Variants in KCNC3 observed in about 807,000 individuals in gnomAD.
The protein encoded by KCNC3 is potassium voltage-gated channel subfamily C member 3, also known as voltage-gated potassium channel KCNC3.
In KCNC3, 22 loss-of-function variants were observed where a neutral mutation model predicts 43.9. That is an observed-to-expected ratio of 0.50 (90% CI 0.36 to 0.72). The LOEUF is 0.72. KCNC3 is among the 30% of genes least tolerant of loss of function. The pLI, the probability that KCNC3 is intolerant of heterozygous loss-of-function variation, is 0.00. For missense variants in KCNC3, 829 were observed against 1,073.8 expected (o/e 0.77, Z 3.19); for synonymous variants, 492 against 488.0 (o/e 1.01, Z -0.11).
At chr19:50,326,921 G>GA (rs2037114124) in intron 1 of KCNC3, among the ~76,000 whole-genome samples, 1 of 135,892 alleles carries the variant, frequency 7.4e-6, no homozygotes. Flanking sequence ...GTTTTGCACG[G>GA]CGGGGGGGGA....
intron 1 of KCNC3, among the ~76,000 whole-genome samples, chr19:50,327,490 G>A (rs2123543477): frequency 6.6e-6 from 1 of 152,180 alleles, no homozygotes; most frequent in South Asian, 2.1e-4. Flanking sequence ...GTTTAGAGGG[G>A]TCCAGAAGGC....
chr19:50,331,467 C>G (rs1000933812), upstream of KCNC3, among the ~76,000 whole-genome samples: 1 of 151,726 alleles, frequency 6.6e-6, no homozygotes, highest in Admixed American at 6.6e-5. Context: ...CCTCCTTGCT[C>G]TCTGACAACC....
In KCNC3 at chr19:50,329,034, T is replaced by G; in HGVS notation, c.49A>C (p.Ser17Arg). 7.6e-7 allele frequency: 1 copy of G among 1,323,576 alleles called. No homozygotes were observed. The highest frequency in any genetic ancestry group is 9.6e-7 in the Non-Finnish European group (1 of 1,037,662). 82.0% of individuals were successfully genotyped at this position (1,323,576 alleles called of 1,614,324 possible). A position where few individuals can be genotyped will look rare whatever the true frequency, so the allele number is the denominator to read the frequency against. ...GGCGGTGGCGCCGGCTGCTGCTTGC[T>G]GGCCCCCTGGCGCCCGCGGAAGGAC... ...VSSFRGRQGA[S>R]KQQPAPPPQP... Residue 17 changes from serine (S) to arginine (R), a missense_variant, in exon 1 of 5, where the codon AGC (serine) becomes CGC (arginine). Physicochemically the swap from Ser to Arg is moderately radical, Grantham distance 110. Around this residue, in one of 7 missense-constraint regions of KCNC3, gnomAD observed 129 missense variants for 83.6 expected, o/e 1.54. Coordinates refer to ENST00000477616, the MANE Select transcript of KCNC3 (RefSeq NM_004977.3).
intron 2 of KCNC3, among the ~76,000 whole-genome samples, chr19:50,322,681 G>C (rs767667213): frequency 3.9e-5 from 6 of 151,998 alleles, no homozygotes; most frequent in Non-Finnish European, 7.4e-5. Flanking sequence ...GTGTCTCTCT[G>C]AGCCCCACGC....
In KCNC3 at chr19:50,320,323, G is replaced by A. The variant is rs756181510; in HGVS notation, c.2197C>T (p.Gln733Ter). 6 of 476,228 alleles carry A rather than the reference G, an allele frequency of 1.3e-5. No individual in the cohort carries two copies. Among genetic ancestry groups the A allele is most frequent in the African/African-American group, 9.0e-5 (4 of 44,618 alleles). The allele number at this position is 476,228 out of a possible 1,614,324, so 29.5% of individuals were successfully genotyped here. Reference sequence around the variant, plus strand: ...GGGGGGCCTGGCTTACGCCAGTCTTGGGGGGGCAGTGGGGGAGCACCAGTG... The same window carrying A: ...GGGGGGCCTGGCTTACGCCAGTCTTAGGGGGGCAGTGGGGGAGCACCAGTG... The part of the protein sequence containing the change: ...KATGAPPLPP[Q>*]DWRKPGPPSF... Residue 733 changes from glutamine to a stop codon, truncating the protein, a stop_gained, in exon 4 of 5, where the codon CAA becomes TAA. Transcript: ENST00000477616. LOFTEE classifies it high-confidence loss of function.
chr19:50,320,627 G>A lies in KCNC3; in HGVS notation c.2136C>T (p.Asp712=). Residue 712 remains aspartate (D), a synonymous_variant, in exon 3 of 5, where the codon GAC becomes GAT. Coordinates refer to ENST00000477616, the MANE Select transcript of KCNC3 (RefSeq NM_004977.3). ...SRDRACFLLT[D]YAPSPDGSIR... Reference sequence around the variant, plus strand: ...TGGAGCCATCAGGGGAAGGGGCATAGTCGGTGAGGAGGAAGCAGGCTCGGT... The same window carrying A: ...TGGAGCCATCAGGGGAAGGGGCATAATCGGTGAGGAGGAAGCAGGCTCGGT... 2 of 1,612,916 alleles carry A rather than the reference G, an allele frequency of 1.2e-6. No homozygotes were observed. The highest frequency in any genetic ancestry group is 1.7e-6 in the Non-Finnish European group (2 of 1,179,858).
intron 4 of KCNC3, among the ~76,000 whole-genome samples, chr19:50,317,799 T>C (rs1380024140): frequency 1.3e-5 from 2 of 152,184 alleles, no homozygotes; most frequent in East Asian, 1.9e-4. Context: ...TTTGCAGAAC[T>C]CCTTTTCTTC....
At position 50,322,979 on chromosome 19, in the gene KCNC3, C is replaced by T. The variant is rs2037052074; in HGVS notation, c.1974G>A (p.Arg658=). The part of the protein sequence containing the change: ...LAQEEVIEIN[R]ADPRPNGDPA... ...ATCCCTGACGCCCAGGCTCACCTGC[C>T]CGGTTGATCTCAATCACCTCCTCCT... The change falls in exon 2 of 5, where the codon CGG becomes CGA. Residue 658 remains arginine (R), a synonymous_variant. Coordinates refer to ENST00000477616, the MANE Select transcript of KCNC3 (RefSeq NM_004977.3). 2 of 1,550,570 alleles carry T rather than the reference C, an allele frequency of 1.3e-6. No homozygotes were observed. Among genetic ancestry groups the T allele is most frequent in the African/African-American group, 1.4e-5 (1 of 73,198 alleles).
Position 50,314,629 on chromosome 19 carries a change from G to A in KCNC3, c.*1486C>T, listed in dbSNP as rs1333023114. On this transcript the variant is annotated 3_prime_UTR_variant, in exon 5 of 5. Coordinates refer to ENST00000477616, the MANE Select transcript of KCNC3 (RefSeq NM_004977.3). Reference sequence around the variant, plus strand: ...GAGACCTGAGAAGGCTTTTTTTGGGGAGGGAAGAGTTGGGGGGACGGGCTG... The same window carrying A: ...GAGACCTGAGAAGGCTTTTTTTGGGAAGGGAAGAGTTGGGGGGACGGGCTG... The A allele has an allele frequency of 1.2e-5, 4 of 337,078 alleles. No individual in the cohort carries two copies. In the Admixed American group the frequency reaches 1.3e-4, roughly 11 times the overall value. 20.9% of individuals were successfully genotyped at this position (337,078 alleles called of 1,614,324 possible).
chr19:50,331,817 C>T (rs2037192748), upstream of KCNC3, among the ~76,000 whole-genome samples: 2 of 152,020 alleles, frequency 1.3e-5, no homozygotes, highest in South Asian at 2.1e-4. Flanking sequence ...CTTTCTAGGT[C>T]TCTGTCTCCA....
rs1368016909 is a variant in KCNC3, at chr19:50,320,273, G to C, written c.2247C>G (p.Ala749=). ...GPPSFLPDLN[A]NAAAWISP ...AGGGGGATATCCAGGCCGCGGCGTT[G>C]GCGTTGAGGTCGGGCAAGAAGCTTG... Residue 749 remains alanine (A), a synonymous_variant, in exon 4 of 5, where the codon GCC becomes GCG. Transcript: ENST00000477616. 2.4e-5 allele frequency: 26 copies of C among 1,079,676 alleles called. No individual in the cohort carries two copies. Among genetic ancestry groups the C allele is most frequent in the Non-Finnish European group, 3.2e-5 (26 of 812,404 alleles). The allele number at this position is 1,079,676 out of a possible 1,614,324, so 66.9% of individuals were successfully genotyped here. A position where few individuals can be genotyped will look rare whatever the true frequency, so the allele number is the denominator to read the frequency against.
At position 50,329,058 on chromosome 19, in the gene KCNC3, A is replaced by T. The variant is rs2037147663; in HGVS notation, c.25T>A (p.Ser9Thr). Residue 9 changes from serine (S) to threonine (T), a missense_variant, in exon 1 of 5, where the codon TCC (serine) becomes ACC (threonine). Ser to Thr is a moderately conservative substitution (Grantham distance 58). This residue lies in a region of KCNC3 where 129 missense variants were observed against 83.6 expected (regional missense o/e 1.54). Transcript: ENST00000477616. ...CTGGCCCCCTGGCGCCCGCGGAAGG[A>T]CGAGACGCAGACTGAGCTCAGCATT... MLSSVCVS[S>T]FRGRQGASKQ... The T allele has an allele frequency of 7.8e-7, 1 of 1,282,962 alleles. No homozygotes were observed. Among genetic ancestry groups the T allele is most frequent in the South Asian group, 1.8e-5 (1 of 54,704 alleles). The allele number at this position is 1,282,962 out of a possible 1,614,324, so 79.5% of individuals were successfully genotyped here.
Position 50,312,904 on chromosome 19 carries a change from C to T in KCNC3, c.*3211G>A, listed in dbSNP as rs1460788285. On this transcript the variant is annotated 3_prime_UTR_variant, in exon 5 of 5. Transcript: ENST00000477616. ...CCAAAACCCGCCCCACCCCTCACCC[C>T]TGCTTCACCAGGGTTTAGGGTCCGA... 6.6e-6 allele frequency: 1 copy of T among 152,170 alleles called. No homozygotes were observed. Among genetic ancestry groups the T allele is most frequent in the African/African-American group, 2.4e-5 (1 of 41,434 alleles). 9.4% of individuals were successfully genotyped at this position (152,170 alleles called of 1,614,324 possible).
At position 50,323,814 on chromosome 19, in the gene KCNC3, C is replaced by T; in HGVS notation, c.1139G>A (p.Ser380Asn). ...GGCCACACAGTCGATGATGTTGAGG[C>T]TGCTTTTAAGAAACTCCACCTTGTC... ...CPDKVEFLKS[S>N]LNIIDCVAIL... The change falls in exon 2 of 5, where the codon AGC becomes AAC. Residue 380 changes from serine (S) to asparagine (N), a missense_variant. By Grantham distance (46) the Ser-to-Asn change is conservative. This residue lies in a region of KCNC3 where 157 missense variants were observed against 293.5 expected (regional missense o/e 0.53). Coordinates refer to ENST00000477616, the MANE Select transcript of KCNC3 (RefSeq NM_004977.3). The T allele has an allele frequency of 1.9e-6, 3 of 1,614,182 alleles. No individual in the cohort carries two copies. Among genetic ancestry groups the T allele is most frequent in the South Asian group, 2.2e-5 (2 of 91,082 alleles).
intron 4 of KCNC3, among the ~76,000 whole-genome samples, chr19:50,317,814 A>G (rs2036976121): frequency 6.6e-6 from 1 of 152,120 alleles, no homozygotes; most frequent in Non-Finnish European, 1.5e-5. Flanking sequence ...TTCTTCCCCC[A>G]GAGATGGGGT....
Position 50,329,003 on chromosome 19 carries a change from G to C in KCNC3, c.80C>G (p.Pro27Arg). 1 of 1,256,570 alleles carries C rather than the reference G, an allele frequency of 8.0e-7. No individual in the cohort carries two copies. The highest frequency in any genetic ancestry group is 1.0e-6 in the Non-Finnish European group (1 of 984,236). 77.8% of individuals were successfully genotyped at this position (1,256,570 alleles called of 1,614,324 possible). A position where few individuals can be genotyped will look rare whatever the true frequency, so the allele number is the denominator to read the frequency against. The change falls in exon 1 of 5, where the codon CCG becomes CGG. Residue 27 changes from proline (P) to arginine (R), a missense_variant. By Grantham distance (103) the Pro-to-Arg change is moderately radical. Around this residue, in one of 7 missense-constraint regions of KCNC3, gnomAD observed 129 missense variants for 83.6 expected, o/e 1.54. Coordinates refer to ENST00000477616, the MANE Select transcript of KCNC3 (RefSeq NM_004977.3). Reference sequence around the variant, plus strand: ...CGGTGGCGGCGGCGGGGACTCGGGCGGCTGCGGCGGTGGCGCCGGCTGCTG... The same window carrying C: ...CGGTGGCGGCGGCGGGGACTCGGGCCGCTGCGGCGGTGGCGCCGGCTGCTG... Reference protein sequence around the residue: ...SKQQPAPPPQPPESPPPPPLP... With the variant: ...SKQQPAPPPQRPESPPPPPLP...
At position 50,323,999 on chromosome 19, in the gene KCNC3, A is replaced by T. The variant is rs1250155323; in HGVS notation, c.954T>A (p.Ile318=). The T allele has an allele frequency of 1.2e-6, 2 of 1,612,346 alleles. No individual in the cohort carries two copies. Among genetic ancestry groups the T allele is most frequent in the Admixed American group, 1.7e-5 (1 of 59,964 alleles). ...CLETHEGFIH[I]SNKTVTQASP... is the part of the protein sequence containing the mutation. ...AGGCCTGGGTCACCGTCTTGTTGCT[A>T]ATATGGATGAAGCCCTCATGGGTTT... The change falls in exon 2 of 5, where the codon ATT becomes ATA. Residue 318 remains isoleucine, a synonymous_variant. Transcript: ENST00000477616.
chr19:50,316,733 T>C (rs1320303044), intron 4 of KCNC3, among the ~76,000 whole-genome samples: 1 of 151,056 alleles, frequency 6.6e-6, no homozygotes, highest in African/African-American at 2.4e-5. Context: ...GAGACCCCAT[T>C]TCAAAAACAA....
In KCNC3 at chr19:50,328,974, G is replaced by A; in HGVS notation, c.109C>T (p.Pro37Ser). 1.9e-6 allele frequency: 2 copies of A among 1,032,062 alleles called. No homozygotes were observed. The highest frequency in any genetic ancestry group is 3.5e-5 in the South Asian group (1 of 28,398). 63.9% of individuals were successfully genotyped at this position (1,032,062 alleles called of 1,614,324 possible). A position where few individuals can be genotyped will look rare whatever the true frequency, so the allele number is the denominator to read the frequency against. ...TGCGCAGGCTGCTGCTGCTGCGGCG[G>A]CAGCGGTGGCGGCGGCGGGGACTCG... ...PPESPPPPPL[P>S]PQQQQPAQPG... is the part of the protein sequence containing the mutation. The change falls in exon 1 of 5, where the codon CCG becomes TCG. Residue 37 changes from proline (P) to serine (S), a missense_variant. Coordinates refer to ENST00000477616, the MANE Select transcript of KCNC3 (RefSeq NM_004977.3).
Sources: allele counts gnomAD v4.1 joint callset (sites outside exome capture counted in the v4.1 genomes callset), GRCh38; gene constraint gnomAD v4.1.1; regional missense constraint gnomAD v4.1.1; transcripts MANE v1.5; gene names NCBI Gene and HGNC (gene_info 2026-07-23, HGNC 2026-07-21).